SLC24A4: variants seen among roughly 807,000 people sequenced by gnomAD.
The protein encoded by SLC24A4 is sodium/potassium/calcium exchanger 4.
Under a neutral mutation model 79.0 loss-of-function variants are expected in SLC24A4, and 53 were observed. That is an observed-to-expected ratio of 0.67 (90% CI 0.54 to 0.84). SLC24A4 has a LOEUF of 0.84. SLC24A4 is among the 40% of genes least tolerant of loss of function. The pLI, the probability that SLC24A4 is intolerant of heterozygous loss-of-function variation, is 0.00. For synonymous variants in SLC24A4, 323 were observed against 323.8 expected, an observed-to-expected ratio of 1.00 and a Z score of 0.03; for missense variants, 731 against 822.0, an observed-to-expected ratio of 0.89 and a Z score of 1.35.
chr14:92,389,166 G>A (rs970272819), intron 2 of SLC24A4, among the ~76,000 whole-genome samples: 3 of 152,156 alleles, frequency 2.0e-5, no homozygotes, highest in African/African-American at 7.2e-5. Flanking sequence ...AATGTGTGCT[G>A]TGTCTATTCC....
intron 12 of SLC24A4, among the ~76,000 whole-genome samples, chr14:92,477,700 C>T (rs1002043948): frequency 2.6e-5 from 4 of 152,190 alleles, no homozygotes; most frequent in Non-Finnish European, 5.9e-5. Context: ...ACCAGTCCTC[C>T]CACCTTGGCC....
intron 13 of SLC24A4, chr14:92,483,684 G>C (rs1279035784): frequency 1.6e-6 from 2 of 1,266,422 alleles, no homozygotes; most frequent in Admixed American, 4.6e-5. Flanking sequence ...CCCACTCTCT[G>C]TATACCACCT....
At chr14:92,469,037 A>G (rs1341677372) in intron 12 of SLC24A4, among the ~76,000 whole-genome samples, 1 of 152,198 alleles carries the variant, frequency 6.6e-6, no homozygotes, top group Non-Finnish European at 1.5e-5. Flanking sequence ...TAATAAGGGT[A>G]TGCAAAGATG....
intron 12 of SLC24A4, among the ~76,000 whole-genome samples, chr14:92,476,474 C>A (rs1894772632): frequency 6.6e-6 from 1 of 151,572 alleles, no homozygotes; most frequent in African/African-American, 2.4e-5. Context: ...AGTAAAAATA[C>A]TTTTAATGAT....
intron 2 of SLC24A4, among the ~76,000 whole-genome samples, chr14:92,395,251 A>G (rs562966922): frequency 6.6e-6 from 1 of 152,114 alleles, no homozygotes; most frequent in East Asian, 1.9e-4. Context: ...TTAAGAGTTA[A>G]TCTGGGATGC....
intron 12 of SLC24A4, among the ~76,000 whole-genome samples, chr14:92,468,726 C>CT (rs1894259615): frequency 1.3e-5 from 2 of 152,194 alleles, no homozygotes; most frequent in Non-Finnish European, 2.9e-5. Context: ...CTGATCCCTA[C>CT]TGCTCACCAT....
chr14:92,431,988 C>T (rs1044662015), intron 2 of SLC24A4, among the ~76,000 whole-genome samples: 3 of 152,202 alleles, frequency 2.0e-5, no homozygotes, highest in Non-Finnish European at 4.4e-5. Context: ...TGCTAACTTC[C>T]CTCTCGGAGC....
intron 13 of SLC24A4, chr14:92,483,680 C>A (rs141878940): frequency 8.0e-7 from 1 of 1,251,120 alleles, no homozygotes; most frequent in Non-Finnish European, 1.0e-6. Context: ...CTTCCCCACT[C>A]TCTGTATACC....
intron 2 of SLC24A4, among the ~76,000 whole-genome samples, chr14:92,334,866 C>CCATCAT (rs747888649): frequency 6.6e-6 from 1 of 151,354 alleles, no homozygotes; most frequent in Non-Finnish European, 1.5e-5. Context: ...GTGGTAGCTG[C>CCATCAT]CATCATCATC....
rs77545051 is a variant in SLC24A4, at chr14:92,412,595, G to A, written c.242-21317G>A. Among the ~76,000 whole-genome samples the A allele has an allele frequency of 7.3e-3, 1,107 of 152,120 alleles. 15 individuals carry two copies. The highest frequency in any genetic ancestry group is 0.025 in the African/African-American group (1,053 of 41,490). ...ATGTCCTGTCCCCATCTCAGTTCAT[G>A]GTGTCACCATGCCCTCATCCCCCTC... is the stretch of plus-strand genomic sequence containing the variant. On this transcript the variant is annotated intron_variant, in intron 2 of 16. Transcript: ENST00000532405.
At chr14:92,439,976 G>A (rs1187543998) in intron 4 of SLC24A4, among the ~76,000 whole-genome samples, 1 of 152,224 alleles carries the variant, frequency 6.6e-6, no homozygotes, top group Non-Finnish European at 1.5e-5. Flanking sequence ...GTCAAGGAAG[G>A]AAATTGACTT....
At position 92,323,864 on chromosome 14, in the gene SLC24A4, G is replaced by A. The variant is rs1201778434; in HGVS notation, c.34G>A (p.Val12Ile). Reference protein sequence around the residue: ...ALRGTLRPLKVRRRREMLPQQ... With the variant: ...ALRGTLRPLKIRRRREMLPQQ... Reference sequence around the variant, plus strand: ...CCGCGGGACCCTCCGGCCGCTCAAAGTTCGCAGGAGGCGAGAGATGCTGCC... The same window carrying A: ...CCGCGGGACCCTCCGGCCGCTCAAAATTCGCAGGAGGCGAGAGATGCTGCC... The change falls in exon 1 of 17, where the codon GTT (valine) becomes ATT (isoleucine). Residue 12 changes from valine to isoleucine, a missense_variant. By Grantham distance (29) the Val-to-Ile change is conservative (BLOSUM62 3). Coordinates refer to ENST00000532405, the MANE Select transcript of SLC24A4 (RefSeq NM_153646.4). The surrounding 1 kb of genome is among the most constrained non-coding windows in gnomAD (Gnocchi z 4.9). 12 of 1,599,690 alleles carry A rather than the reference G, an allele frequency of 7.5e-6. No homozygotes were observed. Among genetic ancestry groups the A allele is most frequent in the African/African-American group, 1.3e-5 (1 of 74,884 alleles).
intron 1 of SLC24A4, among the ~76,000 whole-genome samples, chr14:92,324,371 C>T (rs1382881164): frequency 1.3e-5 from 2 of 152,226 alleles, no homozygotes; most frequent in Non-Finnish European, 2.9e-5. Context: ...GCGTCTCGCC[C>T]CTGCCCTGGT....
chr14:92,368,128 C>T (rs535576447), intron 2 of SLC24A4, among the ~76,000 whole-genome samples: 1 of 152,294 alleles, frequency 6.6e-6, no homozygotes, highest in East Asian at 1.9e-4. Context: ...GATACAAAAT[C>T]GCTAAGATCC....
chr14:92,453,949 G>A lies in SLC24A4; in HGVS notation c.930G>A (p.Glu310=). Reference sequence around the variant, plus strand: ...AGAACCCCGTGGTGATGGTGGACGAGATTATGAGCTCCAGCCCTCCCAAGT... The same window carrying A: ...AGAACCCCGTGGTGATGGTGGACGAAATTATGAGCTCCAGCCCTCCCAAGT... The part of the protein sequence containing the change: ...YGKNPVVMVD[E]IMSSSPPKFT... The change falls in exon 11 of 17, where the codon GAG becomes GAA. Residue 310 remains glutamate (E), a synonymous_variant. Transcript: ENST00000532405. 1 of 1,613,646 alleles carries A rather than the reference G, an allele frequency of 6.2e-7. No individual in the cohort carries two copies. Among genetic ancestry groups the A allele is most frequent in the Middle Eastern group, 1.7e-4 (1 of 6,058 alleles).
At chr14:92,406,263 G>T (rs1686388841) in intron 2 of SLC24A4, among the ~76,000 whole-genome samples, 1 of 152,252 alleles carries the variant, frequency 6.6e-6, no homozygotes, top group Non-Finnish European at 1.5e-5. Context: ...TGGCTTTGCA[G>T]GGTACAGCCC....
rs141684005 is a variant in SLC24A4, at chr14:92,325,191, G to T, written c.131-677G>T. Among the ~76,000 whole-genome samples the T allele has an allele frequency of 3.9e-5, 6 of 152,320 alleles. No individual in the cohort carries two copies. The East Asian group carries it at 1.2e-3, about 29-fold the overall frequency. ...GCTGAAGCAGTGCGCATCAGGAGAG[G>T]TAAATGAATACTCTGAAGGTCTTAA... On this transcript the variant is annotated intron_variant, in intron 1 of 16. Coordinates refer to ENST00000532405, the MANE Select transcript of SLC24A4 (RefSeq NM_153646.4).
intron 12 of SLC24A4, among the ~76,000 whole-genome samples, chr14:92,466,437 G>T (rs1165232890): frequency 1.3e-5 from 2 of 152,122 alleles, no homozygotes; most frequent in Admixed American, 1.3e-4. Context: ...CCTAATGCTG[G>T]CATATGTCAG....
intron 2 of SLC24A4, among the ~76,000 whole-genome samples, chr14:92,351,286 A>T (rs1886852500): frequency 6.7e-6 from 1 of 150,218 alleles, no homozygotes; most frequent in East Asian, 2.0e-4. Flanking sequence ...TATGCCGAAA[A>T]CTCAATAAAT....
Sources: allele counts gnomAD v4.1 joint callset (sites outside exome capture counted in the v4.1 genomes callset), GRCh38; gene constraint gnomAD v4.1.1; non-coding constraint Gnocchi (gnomAD v3.1); transcripts MANE v1.5; gene names NCBI Gene and HGNC (gene_info 2026-07-23, HGNC 2026-07-21).